FBXL20: variants seen among roughly 807,000 people sequenced by gnomAD.
The protein encoded by FBXL20 is F-box and leucine rich repeat protein 20.
FBXL20 carries 11 observed loss-of-function variants against 64.0 expected under a neutral mutation model. The ratio of observed to expected loss-of-function variants is 0.17; its 90% CI spans 0.11 to 0.28. The LOEUF is 0.28. FBXL20 is among the 10% of genes least tolerant of loss of function. FBXL20 has a pLI of 1.00. For missense variants in FBXL20, 303 were observed against 526.2 expected (o/e 0.58, Z 4.15); for synonymous variants, 184 against 189.0 (o/e 0.97, Z 0.22).
At chr17:39,395,628 C>A (rs1469495629) in intron 1 of FBXL20, among the ~76,000 whole-genome samples, 1 of 152,120 alleles carries the variant, frequency 6.6e-6, no homozygotes, top group Admixed American at 6.6e-5. Flanking sequence ...GTACTCAATC[C>A]CATTGCAAAG....
intron 2 of FBXL20, among the ~76,000 whole-genome samples, chr17:39,336,341 T>C (rs2047521746): frequency 6.6e-6 from 1 of 152,110 alleles, no homozygotes; most frequent in Non-Finnish European, 1.5e-5. Flanking sequence ...AACTGCACTT[T>C]TAAAAATAGC....
intron 1 of FBXL20, among the ~76,000 whole-genome samples, chr17:39,369,003 G>A (rs1267048907): frequency 6.6e-6 from 1 of 151,850 alleles, no homozygotes; most frequent in African/African-American, 2.4e-5. Context: ...CATGTATTGT[G>A]GTTTCTTCTT....
At chr17:39,369,156 G>A (rs918171667) in intron 1 of FBXL20, among the ~76,000 whole-genome samples, 5 of 151,528 alleles carry the variant, frequency 3.3e-5, no homozygotes, top group Admixed American at 3.3e-4. Context: ...TAGAAGTACT[G>A]GATAAAAATC....
chr17:39,350,082 A>C (rs1402824695), intron 1 of FBXL20, among the ~76,000 whole-genome samples: 1 of 149,026 alleles, frequency 6.7e-6, no homozygotes, highest in Non-Finnish European at 1.5e-5. Flanking sequence ...TTTAGAAAAC[A>C]AAGTATTAAA....
intron 3 of FBXL20, among the ~76,000 whole-genome samples, chr17:39,301,681 T>C (rs2047136626): frequency 1.3e-5 from 2 of 151,342 alleles, no homozygotes; most frequent in Admixed American, 1.3e-4. Flanking sequence ...TGAGCCAAGA[T>C]TGTGCCACTG....
chr17:39,307,871 T>C (rs2047196931), intron 2 of FBXL20, among the ~76,000 whole-genome samples: 3 of 150,176 alleles, frequency 2.0e-5, no homozygotes, highest in African/African-American at 4.9e-5. Flanking sequence ...CTTGGGAGGC[T>C]GAGGCAGGAG....
At chr17:39,315,393 T>TTATTTATATATATATATATA (rs1555607851) in intron 2 of FBXL20, among the ~76,000 whole-genome samples, 1 of 134,552 alleles carries the variant, frequency 7.4e-6, no homozygotes, top group Non-Finnish European at 1.6e-5. Context: ...TTTAAATAAT[T>TTATTTATATATATATATATA]TATATATATA....
intron 1 of FBXL20, among the ~76,000 whole-genome samples, chr17:39,397,023 G>C (rs981719682): frequency 3.3e-5 from 5 of 151,650 alleles, no homozygotes; most frequent in Non-Finnish European, 5.9e-5. Flanking sequence ...TTGCCATGCT[G>C]CATTTTAAGA....
intron 2 of FBXL20, among the ~76,000 whole-genome samples, chr17:39,311,613 A>C (rs950413323): frequency 1.3e-5 from 2 of 152,136 alleles, no homozygotes; most frequent in South Asian, 2.1e-4. Context: ...ATATACTTCC[A>C]ATCTAGGTAA....
At chr17:39,271,597 CAAAAAAAAAAAAAAAA>C (rs11362087) in intron 10 of FBXL20, among the ~76,000 whole-genome samples, 4 of 50,776 alleles carry the variant, frequency 7.9e-5, no homozygotes, top group African/African-American at 3.5e-4. Flanking sequence ...GGCTCCGACT[CAAAAAAAAAAAAAAAA>C]AAAAAAAAAA....
At chr17:39,358,295 T>A (rs1307312518) in intron 1 of FBXL20, among the ~76,000 whole-genome samples, 3 of 152,214 alleles carry the variant, frequency 2.0e-5, no homozygotes, top group African/African-American at 7.2e-5. Context: ...CTCAGTCTAC[T>A]GATTTAAATA....
At chr17:39,374,247 G>A (rs1421131473) in intron 1 of FBXL20, among the ~76,000 whole-genome samples, 1 of 150,944 alleles carries the variant, frequency 6.6e-6, no homozygotes, top group Non-Finnish European at 1.5e-5. Context: ...AAAAAAAAAA[G>A]ACCAGTCGGA....
At chr17:39,276,337 G>T (rs866608467) in intron 9 of FBXL20, among the ~76,000 whole-genome samples, 1 of 149,902 alleles carries the variant, frequency 6.7e-6, no homozygotes, top group South Asian at 2.1e-4. Context: ...GGGAAGGAAG[G>T]GAAGGAAGAG....
At chr17:39,354,929 T>TTGTC (rs760082197) in intron 1 of FBXL20, among the ~76,000 whole-genome samples, 12 of 134,392 alleles carry the variant, frequency 8.9e-5, no homozygotes, top group Non-Finnish European at 1.4e-4. Flanking sequence ...CTTGGTTTTT[T>TTGTC]TGTTTGTTTG....
intron 1 of FBXL20, among the ~76,000 whole-genome samples, chr17:39,378,838 T>C (rs951575097): frequency 6.6e-6 from 1 of 151,538 alleles, no homozygotes; most frequent in Admixed American, 6.6e-5. Flanking sequence ...CTCGAACTCC[T>C]GACCTCAGGT....
At position 39,255,189 on chromosome 17, in the gene FBXL20, G is replaced by C. The variant is rs2046684135; in HGVS notation, c.*6271C>G. The C allele has an allele frequency of 6.6e-6, 1 of 152,044 alleles. No homozygotes were observed. Among genetic ancestry groups the C allele is most frequent in the Non-Finnish European group, 1.5e-5 (1 of 68,014 alleles). The allele number at this position is 152,044 out of a possible 1,614,324, so 9.4% of individuals were successfully genotyped here. ...GCGGTGGCTCACGCCTGTAATCCCA[G>C]CACTTTGGGAGGCCGAGGCGGGTGG... is the stretch of plus-strand genomic sequence containing the variant. On this transcript the variant is annotated 3_prime_UTR_variant, in exon 15 of 15. Coordinates refer to ENST00000264658, the MANE Select transcript of FBXL20 (RefSeq NM_032875.3).
intron 1 of FBXL20, among the ~76,000 whole-genome samples, chr17:39,393,197 G>T (rs754308789): frequency 6.6e-6 from 1 of 151,660 alleles, no homozygotes; most frequent in Non-Finnish European, 1.5e-5. Flanking sequence ...GCTGAGCCAG[G>T]AGAATCACTT....
intron 6 of FBXL20, among the ~76,000 whole-genome samples, chr17:39,291,330 ATT>A (rs1338414647): frequency 7.3e-6 from 1 of 136,148 alleles, no homozygotes; most frequent in African/African-American, 2.8e-5. Context: ...ACTTTTTTCT[ATT>A]TTTTTCTTCC....
At chr17:39,334,138 T>G (rs1391846470) in intron 2 of FBXL20, among the ~76,000 whole-genome samples, 1 of 152,236 alleles carries the variant, frequency 6.6e-6, no homozygotes, top group Non-Finnish European at 1.5e-5. Flanking sequence ...AAAATTCTTC[T>G]GCCTTGGGAT....
Sources: gnomAD v4.1 joint callset for allele counts (sites outside exome capture counted in the v4.1 genomes callset) on GRCh38, gnomAD v4.1.1 for gene constraint, MANE v1.5 for transcripts, NCBI Gene and HGNC (gene_info 2026-07-23, HGNC 2026-07-21) for gene names.